MAGI2: variants seen among roughly 807,000 people sequenced by gnomAD.
The protein encoded by MAGI2 is membrane associated guanylate kinase, WW and PDZ domain containing 2.
MAGI2 carries 35 observed loss-of-function variants against 133.3 expected under a neutral mutation model. That is an observed-to-expected ratio of 0.26 (90% CI 0.20 to 0.35). The LOEUF is 0.35. Ranked by LOEUF, MAGI2 falls within the 10% of genes least tolerant of loss-of-function variation. The probability of loss-of-function intolerance (pLI) is 1.00; values close to 1 mark genes in which losing one functional copy is unlikely to be tolerated. For synonymous variants in MAGI2, 729 were observed against 710.6 expected, an observed-to-expected ratio of 1.03 and a Z score of -0.41; for missense variants, 1,636 against 1,863.4, an observed-to-expected ratio of 0.88 and a Z score of 2.25.
intron 1 of MAGI2, among the ~76,000 whole-genome samples, chr7:79,304,112 T>C (rs1445178186): frequency 1.3e-5 from 2 of 151,770 alleles, no homozygotes; most frequent in Non-Finnish European, 2.9e-5. Context: ...GATAAAATTA[T>C]AGTGTAATAA....
At chr7:78,993,377 A>T (rs2116359200) in intron 2 of MAGI2, among the ~76,000 whole-genome samples, 1 of 152,216 alleles carries the variant, frequency 6.6e-6, no homozygotes, top group Non-Finnish European at 1.5e-5. Context: ...TTAATAAATA[A>T]TTTTAAGGTG....
intron 1 of MAGI2, among the ~76,000 whole-genome samples, chr7:79,182,863 T>C (rs1826741061): frequency 6.6e-6 from 1 of 151,946 alleles, no homozygotes; most frequent in Admixed American, 6.6e-5. Flanking sequence ...GGTATAGTAT[T>C]TGGCCATAAA....
At chr7:78,980,491 G>T (rs995304758) in intron 2 of MAGI2, among the ~76,000 whole-genome samples, 1 of 151,752 alleles carries the variant, frequency 6.6e-6, no homozygotes, top group East Asian at 2.0e-4. Context: ...CTGTTATGTA[G>T]AGTCAAATGA....
chr7:78,717,476 A>C (rs532351358), intron 2 of MAGI2, among the ~76,000 whole-genome samples: 1 of 151,928 alleles, frequency 6.6e-6, no homozygotes, highest in Admixed American at 6.6e-5. Flanking sequence ...ACAAATTTCC[A>C]CTCTCTTTGA....
intron 20 of MAGI2, among the ~76,000 whole-genome samples, chr7:78,106,565 G>A (rs1411586295): frequency 1.3e-5 from 2 of 152,052 alleles, no homozygotes; most frequent in Non-Finnish European, 2.9e-5. Flanking sequence ...GGGGTGAGAT[G>A]ATATCTCATT....
chr7:78,963,810 T>G (rs1803072065), intron 2 of MAGI2, among the ~76,000 whole-genome samples: 1 of 152,086 alleles, frequency 6.6e-6, no homozygotes, highest in African/African-American at 2.4e-5. Context: ...AGACCTAATT[T>G]CTGGTGTTGG....
chr7:78,350,411 A>T (rs2151202052), intron 7 of MAGI2: 1 of 152,316 alleles, frequency 6.6e-6, no homozygotes, highest in South Asian at 2.1e-4. Flanking sequence ...ATCCACAGGC[A>T]TTGGCATTTT....
At chr7:79,172,154 A>T (rs922613257) in intron 1 of MAGI2, among the ~76,000 whole-genome samples, 1 of 152,060 alleles carries the variant, frequency 6.6e-6, no homozygotes, top group Non-Finnish European at 1.5e-5. Flanking sequence ...TTGAATTTAG[A>T]ACTTGTGAAC....
rs79398726 is a variant in MAGI2 at position 79,144,538 on chromosome 7, G to A, written c.302-137332C>T. ...CCCCAGCCATGCTATCTGTAAAGTCGGCAGAATTGTGAGTCGATTAAACCT... is the reference window on the plus strand; with the variant it reads ...CCCCAGCCATGCTATCTGTAAAGTCAGCAGAATTGTGAGTCGATTAAACCT... On this transcript the variant is annotated intron_variant, in intron 1 of 21. Transcript: ENST00000354212. Among the ~76,000 whole-genome samples, 1,224 of 152,194 alleles carry A rather than the reference G, an allele frequency of 8.0e-3. 38 individuals carry two copies. The East Asian group carries it at 0.081, about 10-fold the overall frequency.
chr7:79,311,747 T>C (rs1191584752), intron 1 of MAGI2, among the ~76,000 whole-genome samples: 2 of 152,114 alleles, frequency 1.3e-5, no homozygotes, highest in Non-Finnish European at 2.9e-5. Context: ...TTTAACATTA[T>C]CAAAAACAAT....
chr7:78,201,267 A>G (rs1829225913), intron 10 of MAGI2, 74 bp from the exon 11 acceptor site: 2 of 670,644 alleles, frequency 3.0e-6, no homozygotes, highest in Non-Finnish European at 4.9e-6. Flanking sequence ...CGATATTAAG[A>G]TAATTGTAAT....
At chr7:78,231,437 G>A (rs534994785) in intron 10 of MAGI2, among the ~76,000 whole-genome samples, 58 of 152,330 alleles carry the variant, frequency 3.8e-4, no homozygotes, top group African/African-American at 1.4e-3. Context: ...AATCCAATCA[G>A]TACAACAATT....
chr7:79,293,398 C>G (rs139772696), intron 1 of MAGI2, among the ~76,000 whole-genome samples: 1 of 152,100 alleles, frequency 6.6e-6, no homozygotes, highest in African/African-American at 2.4e-5. Context: ...TATTGTCTAG[C>G]TTCTTACCTA....
chr7:78,813,647 G>T (rs1431366344), intron 2 of MAGI2, among the ~76,000 whole-genome samples: 3 of 151,982 alleles, frequency 2.0e-5, no homozygotes, highest in Non-Finnish European at 4.4e-5. Context: ...TTGGCCAGGC[G>T]TGGTGGCGGG....
At chr7:78,029,866 G>A (rs1393913009) in intron 21 of MAGI2, among the ~76,000 whole-genome samples, 1 of 152,208 alleles carries the variant, frequency 6.6e-6, no homozygotes, top group African/African-American at 2.4e-5. Context: ...TAAAGCACAG[G>A]GAAGTTTTGC....
At chr7:79,370,586 C>T (rs1842986497) in intron 1 of MAGI2, among the ~76,000 whole-genome samples, 1 of 151,276 alleles carries the variant, frequency 6.6e-6, no homozygotes, top group Admixed American at 6.6e-5. Flanking sequence ...AAACAATGGG[C>T]CAGCCAGGTT....
In MAGI2 at chr7:78,432,772, C is replaced by A. The variant is rs1283221667; in HGVS notation, c.1045+56989G>T. Among the ~76,000 whole-genome samples the A allele has an allele frequency of 2.0e-5, 3 of 151,720 alleles. No homozygotes were observed. In the East Asian group the frequency reaches 5.8e-4, roughly 29 times the overall value. On this transcript the variant is annotated intron_variant, in intron 6 of 21. Coordinates refer to ENST00000354212, the MANE Select transcript of MAGI2 (RefSeq NM_012301.4). ...TGTGCCATATAGTTTAAAAATTATACAAAGAAATGGACTGAAAATGTAGCT... is the reference window on the plus strand; with the variant it reads ...TGTGCCATATAGTTTAAAAATTATAAAAAGAAATGGACTGAAAATGTAGCT...
chr7:78,952,674 G>T (rs1248658352), intron 2 of MAGI2, among the ~76,000 whole-genome samples: 1 of 152,108 alleles, frequency 6.6e-6, no homozygotes, highest in Non-Finnish European at 1.5e-5. Flanking sequence ...TCATGAAATT[G>T]CTTTTGGCAA....
intron 6 of MAGI2, among the ~76,000 whole-genome samples, chr7:78,474,278 G>A (rs981169400): frequency 6.6e-6 from 1 of 151,990 alleles, no homozygotes; most frequent in Admixed American, 6.6e-5. Flanking sequence ...TCAGGTATCT[G>A]GTAAGTTGCA....
Sources: gnomAD v4.1 joint callset for allele counts (sites outside exome capture counted in the v4.1 genomes callset) on GRCh38, gnomAD v4.1.1 for gene constraint, MANE v1.5 for transcripts, NCBI Gene and HGNC (gene_info 2026-07-23, HGNC 2026-07-21) for gene names.